The following KLHDC1 variants were observed in gnomAD, a reference collection of about 807,000 sequenced individuals.
KLHDC1 encodes kelch domain-containing protein 1.
A neutral mutation model predicts 68.3 loss-of-function variants in KLHDC1; 53 were observed. The ratio of observed to expected loss-of-function variants is 0.78; its 90% CI spans 0.62 to 0.98. The LOEUF is 0.98. Ranked by LOEUF, KLHDC1 falls within the 50% of genes least tolerant of loss-of-function variation. KLHDC1 has a pLI of 0.00. For synonymous variants in KLHDC1, 148 were observed against 159.0 expected (o/e 0.93, Z 0.52); for missense variants, 470 against 492.3 (o/e 0.95, Z 0.43).
chr14:49,717,009 A>T (rs1888395383), intron 4 of KLHDC1, among the ~76,000 whole-genome samples: 1 of 152,124 alleles, frequency 6.6e-6, no homozygotes, highest in African/African-American at 2.4e-5. Flanking sequence ...TTCACTTAAC[A>T]TAACGTTTTC....
At chr14:49,742,628 G>A (rs1594682373) in intron 11 of KLHDC1, among the ~76,000 whole-genome samples, 1 of 141,582 alleles carries the variant, frequency 7.1e-6, no homozygotes, top group African/African-American at 2.7e-5. Flanking sequence ...AGCCGAGATC[G>A]CACCACCGCA....
At chr14:49,733,113 T>C (rs1888854178) in intron 9 of KLHDC1, among the ~76,000 whole-genome samples, 1 of 152,188 alleles carries the variant, frequency 6.6e-6, no homozygotes, top group African/African-American at 2.4e-5. Context: ...CAGATGCTTG[T>C]ACTGTAGGGT....
At chr14:49,693,423 C>G (rs970549797) in intron 1 of KLHDC1, 133 bp downstream of exon 1, 1 of 496,366 alleles carries the variant, frequency 2.0e-6, no homozygotes, top group East Asian at 4.1e-5. Flanking sequence ...GCCCCCCAGC[C>G]CCTCCGCTGG....
chr14:49,751,361 C>G lies in KLHDC1; in HGVS notation c.1035-225C>G, dbSNP rs957221537. Among the ~76,000 whole-genome samples the G allele has an allele frequency of 3.3e-5, 5 of 151,988 alleles. No individual in the cohort carries two copies. In the Middle Eastern group the frequency reaches 0.01, roughly 310 times the overall value. On this transcript the variant is annotated intron_variant, in intron 12 of 12. Transcript: ENST00000359332. Reference sequence around the variant, plus strand: ...TAAATGTTTGAGGGGATGGATACCCCATTTTCTATGACATGATTATTATGC... The same window carrying G: ...TAAATGTTTGAGGGGATGGATACCCGATTTTCTATGACATGATTATTATGC...
At chr14:49,720,198 C>G (rs1366479427) in intron 4 of KLHDC1, among the ~76,000 whole-genome samples, 4 of 152,076 alleles carry the variant, frequency 2.6e-5, no homozygotes, top group African/African-American at 9.7e-5. Flanking sequence ...GTTGGTCGGG[C>G]TCATCTCAAA....
intron 4 of KLHDC1, among the ~76,000 whole-genome samples, chr14:49,723,235 T>G (rs918201592): frequency 2.0e-5 from 3 of 151,248 alleles, no homozygotes; most frequent in African/African-American, 7.3e-5. Flanking sequence ...GAATTCAAGA[T>G]GAAATTTGGG....
intron 4 of KLHDC1, among the ~76,000 whole-genome samples, chr14:49,713,896 A>C (rs1355145105): frequency 1.6e-5 from 2 of 127,652 alleles, no homozygotes; most frequent in Non-Finnish European, 3.2e-5. Flanking sequence ...TCTGTCACCC[A>C]GGCTGGAGCA....
Position 49,693,170 on chromosome 14 carries a change from A to T in KLHDC1, c.-25A>T. The T allele has an allele frequency of 6.4e-7, 1 of 1,570,404 alleles. No individual in the cohort carries two copies. Among genetic ancestry groups the T allele is most frequent in the Non-Finnish European group, 8.6e-7 (1 of 1,159,934 alleles). On this transcript the variant is annotated 5_prime_UTR_variant, in exon 1 of 13. Transcript: ENST00000359332. ...GGGCGGGCAGGGGTTGTGGCGCGGC[A>T]AGCGGCGGGCCAGCGACGGCGCGAA...
intron 1 of KLHDC1, among the ~76,000 whole-genome samples, chr14:49,697,798 C>T (rs1369048540): frequency 6.6e-6 from 1 of 152,066 alleles, no homozygotes; most frequent in South Asian, 2.1e-4. Context: ...CTGTCACATC[C>T]CTAATCTTAT....
rs1887865219 is a variant in KLHDC1, at chr14:49,700,220, T to G, written c.96+6930T>G. On this transcript the variant is annotated intron_variant, in intron 1 of 12. Transcript: ENST00000359332. ...TACTGTATTTTTAGTAGAGACAGGGTTTCACCATGTTGGTCAGGCTGGTCT... is the reference window on the plus strand; with the variant it reads ...TACTGTATTTTTAGTAGAGACAGGGGTTCACCATGTTGGTCAGGCTGGTCT... 3 of 189,902 alleles carry G rather than the reference T, an allele frequency of 1.6e-5. No homozygotes were observed. The South Asian group carries it at 2.1e-4, about 13-fold the overall frequency. 11.8% of individuals were successfully genotyped at this position (189,902 alleles called of 1,614,324 possible). A position where few individuals can be genotyped will look rare whatever the true frequency, so the allele number is the denominator to read the frequency against.
chr14:49,737,879 A>AC (rs1382386977), intron 10 of KLHDC1, among the ~76,000 whole-genome samples: 17 of 151,700 alleles, frequency 1.1e-4, no homozygotes, highest in African/African-American at 3.9e-4. Context: ...AAAAAAAAAA[A>AC]AAAAAAACAA....
At chr14:49,737,185 T>A (rs1239994914) in intron 10 of KLHDC1, among the ~76,000 whole-genome samples, 1 of 152,182 alleles carries the variant, frequency 6.6e-6, no homozygotes, top group Non-Finnish European at 1.5e-5. Flanking sequence ...CCTAACCCTC[T>A]TCCAGTTCCC....
intron 12 of KLHDC1, among the ~76,000 whole-genome samples, chr14:49,748,697 A>G (rs1889253839): frequency 6.6e-6 from 1 of 152,110 alleles, no homozygotes; most frequent in Non-Finnish European, 1.5e-5. Flanking sequence ...TAGTAAAAAA[A>G]TCACCTATGA....
chr14:49,705,788 T>A lies in KLHDC1; in HGVS notation c.97-3371T>A, dbSNP rs555719569. Among the ~76,000 whole-genome samples the A allele has an allele frequency of 3.3e-5, 5 of 152,346 alleles. No individual in the cohort carries two copies. The South Asian group carries it at 1.0e-3, about 32-fold the overall frequency. ...TATTTGTTTACTTAGCCATTTAATA[T>A]GGATTCCTCAGTCAGACATGAGTGT... is the stretch of plus-strand genomic sequence containing the variant. On this transcript the variant is annotated intron_variant, in intron 1 of 12. Transcript: ENST00000359332.
intron 10 of KLHDC1, among the ~76,000 whole-genome samples, chr14:49,738,752 A>G (rs530067931): frequency 1.3e-4 from 20 of 152,366 alleles, no homozygotes; most frequent in African/African-American, 4.3e-4. Flanking sequence ...CCAGGTTCCC[A>G]TGGTGTGCTG....
At chr14:49,713,881 C>A (rs1888298663) in intron 4 of KLHDC1, among the ~76,000 whole-genome samples, 1 of 108,036 alleles carries the variant, frequency 9.3e-6, no homozygotes, top group Admixed American at 1.3e-4. Flanking sequence ...GAGACAGAGT[C>A]TCACTCTGTC....
intron 1 of KLHDC1, among the ~76,000 whole-genome samples, chr14:49,699,852 A>G (rs983554935): frequency 6.6e-6 from 1 of 152,174 alleles, no homozygotes; most frequent in Non-Finnish European, 1.5e-5. Flanking sequence ...ACAGAAATTC[A>G]CACAGACTTT....
chr14:49,729,358 T>C (rs1888746783), intron 7 of KLHDC1, 132 bp from the exon 8 acceptor site: 1 of 674,938 alleles, frequency 1.5e-6, no homozygotes, highest in Non-Finnish European at 2.6e-6. Flanking sequence ...TAGCATTGTT[T>C]TCCAATAGTT....
chr14:49,697,884 G>C (rs1887788780), intron 1 of KLHDC1, among the ~76,000 whole-genome samples: 1 of 152,138 alleles, frequency 6.6e-6, no homozygotes, highest in South Asian at 2.1e-4. Flanking sequence ...ATTAGAGTAA[G>C]TAACTTTAAT....
Sources: gnomAD v4.1 joint callset for allele counts (sites outside exome capture counted in the v4.1 genomes callset) on GRCh38, gnomAD v4.1.1 for gene constraint, MANE v1.5 for transcripts, NCBI Gene and HGNC (gene_info 2026-07-23, HGNC 2026-07-21) for gene names.